Variants in ZNF426 observed in about 807,000 individuals in gnomAD.
The protein encoded by ZNF426 is CTC-543D15.7.
In ZNF426, 23 loss-of-function variants were observed where a neutral mutation model predicts 24.0. That is an observed-to-expected ratio of 0.96 (90% CI 0.69 to 1.36). The LOEUF (loss-of-function observed/expected upper bound fraction) is 1.36, where lower values mean the gene tolerates loss of function less well. Among genes scored for constraint, ZNF426 ranks in the 40% most tolerant of loss-of-function variants. ZNF426 has a pLI of 0.00. For missense variants in ZNF426, 646 were observed against 658.4 expected, an observed-to-expected ratio of 0.98 and a Z score of 0.21; for synonymous variants, 272 against 224.6, an observed-to-expected ratio of 1.21 and a Z score of -1.89.
chr19:9,531,946 T>C (rs1209233466), intron 6 of ZNF426, among the ~76,000 whole-genome samples: 5 of 151,926 alleles, frequency 3.3e-5, no homozygotes, highest in Admixed American at 2.6e-4. Context: ...GATTGCACCA[T>C]TGCACTCCAG....
Position 9,523,259 on chromosome 19 carries a change from T to C in ZNF426, c.*5121A>G, listed in dbSNP as rs2073760039. 6.6e-6 allele frequency: 1 copy of C among 152,188 alleles called. No individual in the cohort carries two copies. 9.4% of individuals were successfully genotyped at this position (152,188 alleles called of 1,614,324 possible). On this transcript the variant is annotated 3_prime_UTR_variant, in exon 8 of 8. Transcript: ENST00000253115. ...ACAGAAATTTATTTGCTCATAATTTTTGAGGCTGGAAGTCCAGGATCAAAG... is the reference window on the plus strand; with the variant it reads ...ACAGAAATTTATTTGCTCATAATTTCTGAGGCTGGAAGTCCAGGATCAAAG...
In ZNF426 at chr19:9,527,351, A is replaced by G. The variant is rs923463596; in HGVS notation, c.*1029T>C. On this transcript the variant is annotated 3_prime_UTR_variant, in exon 8 of 8. Coordinates refer to ENST00000253115, the MANE Select transcript of ZNF426 (RefSeq NM_024106.3). ...TAAGCTTTTCCACAATCCTAATGGG[A>G]TTTCAGTCCACTCCAAGTTCCAGTA... 3 of 152,198 alleles carry G rather than the reference A, an allele frequency of 2.0e-5. No individual in the cohort carries two copies. The highest frequency in any genetic ancestry group is 4.4e-5 in the Non-Finnish European group (3 of 68,034). The allele number at this position is 152,198 out of a possible 1,614,324, so 9.4% of individuals were successfully genotyped here.
chr19:9,533,763 A>T, intron 5 of ZNF426, 77 bp downstream of exon 5: 1 of 1,587,036 alleles, frequency 6.3e-7, no homozygotes. Context: ...CAGAGTTGAC[A>T]TTGCCAATGC....
In ZNF426 at chr19:9,528,279, T is replaced by G; in HGVS notation, c.*101A>C. On this transcript the variant is annotated 3_prime_UTR_variant, in exon 8 of 8. Transcript: ENST00000253115. ...CTGGGATTACAGGAATTAAGTAATT[T>G]TCATGCAGCTTCTTCTCTCCAGAGT... The G allele has an allele frequency of 1.6e-6, 2 of 1,257,052 alleles. No homozygotes were observed. The highest frequency in any genetic ancestry group is 3.0e-5 in the African/African-American group (2 of 66,768). 77.9% of individuals were successfully genotyped at this position (1,257,052 alleles called of 1,614,324 possible). A position where few individuals can be genotyped will look rare whatever the true frequency, so the allele number is the denominator to read the frequency against.
rs952735722 is a variant in ZNF426, at chr19:9,528,162, A to G, written c.*218T>C. 2.2e-6 allele frequency: 1 copy of G among 447,080 alleles called. No individual in the cohort carries two copies. The highest frequency in any genetic ancestry group is 2.0e-5 in the African/African-American group (1 of 49,910). The allele number at this position is 447,080 out of a possible 1,614,324, so 27.7% of individuals were successfully genotyped here. On this transcript the variant is annotated 3_prime_UTR_variant, in exon 8 of 8. Transcript: ENST00000253115. ...CACCACACCTGGCTAAATTTTTTGT[A>G]TTTTCAGTAGAGACAAGGTTTCACC...
At chr19:9,534,325 C>T (rs964920724) in intron 4 of ZNF426, among the ~76,000 whole-genome samples, 6 of 152,056 alleles carry the variant, frequency 3.9e-5, no homozygotes, top group African/African-American at 1.4e-4. Context: ...CCTGCTTCAG[C>T]CTCCTGAGTA....
Position 9,535,091 on chromosome 19 carries a change from AAAAAAG to A in ZNF426, c.117+91_117+96del. ...AGACTCCCTCTCAAAAAAAAAAAAA[AAAAAAG>A]AAGTCTGGAGACAACTCTGCCTAGA... On this transcript the variant is annotated intron_variant, in intron 4 of 7. Coordinates refer to ENST00000253115, the MANE Select transcript of ZNF426 (RefSeq NM_024106.3). 6.2e-5 allele frequency: 60 copies of A among 968,116 alleles called. No individual in the cohort carries two copies. In the African/African-American group the frequency reaches 9.1e-4, roughly 15 times the overall value. The allele number at this position is 968,116 out of a possible 1,614,324, so 60.0% of individuals were successfully genotyped here.
At chr19:9,535,077 CA>C (rs35638085) in intron 4 of ZNF426, 110 bp downstream of exon 4, 79,444 of 413,126 alleles carry the variant, frequency 0.19, 525 homozygotes, top group African/African-American at 0.26. Context: ...GACTCCCTCT[CA>C]AAAAAAAAAA....
At chr19:9,532,978 C>T in intron 5 of ZNF426, 53 bp from the exon 6 acceptor site, 10 of 1,452,692 alleles carry the variant, frequency 6.9e-6, no homozygotes, top group Non-Finnish European at 8.6e-6. Flanking sequence ...AGATTACAAA[C>T]CTTTCTGTGA....
At chr19:9,529,707 A>G (rs1248160847) in intron 7 of ZNF426, 71 bp from the exon 8 acceptor site, 2 of 1,417,930 alleles carry the variant, frequency 1.4e-6, no homozygotes, top group Non-Finnish European at 9.5e-7. Context: ...ATCTGAAGCT[A>G]GAAACATTAT....
In ZNF426 at chr19:9,523,397, C is replaced by A. The variant is rs949799283; in HGVS notation, c.*4983G>T. 1 of 152,142 alleles carries A rather than the reference C, an allele frequency of 6.6e-6. No individual in the cohort carries two copies. The highest frequency in any genetic ancestry group is 6.5e-5 in the Admixed American group (1 of 15,278). The allele number at this position is 152,142 out of a possible 1,614,324, so 9.4% of individuals were successfully genotyped here. ...CGGTCACTTCACATAAAATTCTGTG[C>A]CTGCTACCCTGGTATCTCTTTCACT... On this transcript the variant is annotated 3_prime_UTR_variant, in exon 8 of 8. Coordinates refer to ENST00000253115, the MANE Select transcript of ZNF426 (RefSeq NM_024106.3).
intron 4 of ZNF426, 23 bp downstream of exon 4, chr19:9,535,165 A>C: frequency 6.3e-7 from 1 of 1,593,284 alleles, no homozygotes. Flanking sequence ...GTCACTATGT[A>C]TAAGAATACA....
At chr19:9,537,457 T>TC (rs1355168851) in intron 2 of ZNF426, among the ~76,000 whole-genome samples, 1 of 46,816 alleles carries the variant, frequency 2.1e-5, no homozygotes, top group East Asian at 6.3e-4. Context: ...AACTCTTTTT[T>TC]TTTTTTTTTT....
Position 9,528,997 on chromosome 19 carries a change from C to T in ZNF426, c.1048G>A (p.Gly350Ser), listed in dbSNP as rs1206524442. Reference sequence around the variant, plus strand: ...TGAGATCGTACATGCATACTAAGGCCCGAGTACTGAGTGAAGGCTTTCCCA... The same window carrying T: ...TGAGATCGTACATGCATACTAAGGCTCGAGTACTGAGTGAAGGCTTTCCCA... ...ECGKAFTQYS[G>S]LSMHVRSHSG... Residue 350 changes from glycine to serine, a missense_variant, in exon 8 of 8, where the codon GGC becomes AGC. By Grantham distance (56) the Gly-to-Ser change is moderately conservative (BLOSUM62 0). Coordinates refer to ENST00000253115, the MANE Select transcript of ZNF426 (RefSeq NM_024106.3). 6.2e-7 allele frequency: 1 copy of T among 1,611,890 alleles called. No individual in the cohort carries two copies. Among genetic ancestry groups the T allele is most frequent in the East Asian group, 2.2e-5 (1 of 44,660 alleles).
chr19:9,536,466 C>T (rs1036714375), intron 2 of ZNF426, 110 bp from the exon 3 acceptor site: 1 of 1,101,928 alleles, frequency 9.1e-7, no homozygotes, highest in Non-Finnish European at 1.3e-6. Context: ...TTTGGGAGGC[C>T]AGGGTGGGAG....
rs2073893543 is a variant in ZNF426, at chr19:9,532,090, T to C, written c.325+755A>G. Among the ~76,000 whole-genome samples, 9 of 152,208 alleles carry C rather than the reference T, an allele frequency of 5.9e-5. 1 individual carries two copies. The South Asian group carries it at 1.9e-3, about 32-fold the overall frequency. ...CTAGTTCTGAACCCTGTACATACTA[T>C]GATTCTTCGATCTGGTAACTGAGAT... On this transcript the variant is annotated intron_variant, in intron 6 of 7. Transcript: ENST00000253115.
chr19:9,524,085 GCTTTCCC>G lies in ZNF426; in HGVS notation c.*4288_*4294del, dbSNP rs2073767852. 1 of 153,912 alleles carries G rather than the reference GCTTTCCC, an allele frequency of 6.5e-6. No individual in the cohort carries two copies. Among genetic ancestry groups the G allele is most frequent in the South Asian group, 2.1e-4 (1 of 4,860 alleles). 9.5% of individuals were successfully genotyped at this position (153,912 alleles called of 1,614,324 possible). ...ATCAAGGACTAAGTGGCAGGCAAGG[GCTTTCCC>G]ACATTCCTTACATCAATATGGCTTC... On this transcript the variant is annotated 3_prime_UTR_variant, in exon 8 of 8. Transcript: ENST00000253115.
At chr19:9,536,150 C>T (rs868444092) in intron 3 of ZNF426, 58 bp downstream of exon 3, 1 of 1,611,194 alleles carries the variant, frequency 6.2e-7, no homozygotes, top group South Asian at 1.1e-5. Context: ...CCACTAGACC[C>T]TATATTGTGT....
rs186740172 is a variant in ZNF426, at chr19:9,532,720, C to T, written c.325+125G>A. 35 of 643,604 alleles carry T rather than the reference C, an allele frequency of 5.4e-5. 1 individual carries two copies. The highest frequency in any genetic ancestry group is 9.0e-5 in the Admixed American group (3 of 33,360). The allele number at this position is 643,604 out of a possible 1,614,324, so 39.9% of individuals were successfully genotyped here. On this transcript the variant is annotated intron_variant, in intron 6 of 7. Transcript: ENST00000253115. ...AAGCGTGTGGGAAGTTAAATATTTC[C>T]TAACTTTCTCTAAACCTTGGGGTTT... is the stretch of plus-strand genomic sequence containing the variant.
Sources: allele counts gnomAD v4.1 joint callset (sites outside exome capture counted in the v4.1 genomes callset), GRCh38; gene constraint gnomAD v4.1.1; transcripts MANE v1.5; gene names NCBI Gene and HGNC (gene_info 2026-07-23, HGNC 2026-07-21).